The following ARHGEF6 variants were observed in gnomAD, a reference collection of about 807,000 sequenced individuals.
The protein encoded by ARHGEF6 is Rac/Cdc42 guanine nucleotide exchange factor 6.
A neutral mutation model predicts 70.3 loss-of-function variants in ARHGEF6; 9 were observed. That is an observed-to-expected ratio of 0.13 (90% CI 0.08 to 0.22). The LOEUF (loss-of-function observed/expected upper bound fraction) is 0.22, where lower values mean the gene tolerates loss of function less well. Among genes scored for constraint, ARHGEF6 ranks in the 10% least tolerant of loss-of-function variants. The pLI is 1.00. For synonymous variants in ARHGEF6, 201 were observed against 207.8 expected, an observed-to-expected ratio of 0.97 and a Z score of 0.28; for missense variants, 470 against 563.0, an observed-to-expected ratio of 0.83 and a Z score of 1.67.
At chrX:136,761,436 C>A (rs1208232891) in intron 2 of ARHGEF6, among the ~76,000 whole-genome samples, 3 of 112,303 alleles carry the variant, frequency 2.7e-5, no homozygotes, top group Admixed American at 9.4e-5. Flanking sequence ...ATATAAAAAA[C>A]CAATTAAATA....
At chrX:136,727,434 T>C (rs1348968860) in intron 6 of ARHGEF6, among the ~76,000 whole-genome samples, 45 of 95,500 alleles carry the variant, frequency 4.7e-4, no homozygotes, top group African/African-American at 6.5e-4. Context: ...TCTTTCCTTC[T>C]TTCTTTCTTT....
intron 9 of ARHGEF6, among the ~76,000 whole-genome samples, chrX:136,695,308 A>G (rs1162449862): frequency 8.9e-6 from 1 of 112,355 alleles, no homozygotes; most frequent in Non-Finnish European, 1.9e-5. Flanking sequence ...GACTCCAGTG[A>G]GTCTTCCATC....
At chrX:136,678,066 T>C in intron 16 of ARHGEF6, 110 bp from the exon 17 acceptor site, 3 of 701,812 alleles carry the variant, frequency 4.3e-6, no homozygotes, top group Non-Finnish European at 2.3e-6. Context: ...GTTAGTGTTA[T>C]CATAAATTAC....
chrX:136,708,906 CT>C, intron 7 of ARHGEF6, 136 bp from the exon 8 acceptor site: 1 of 406,162 alleles, frequency 2.5e-6, no homozygotes, highest in Non-Finnish European at 4.4e-6. Context: ...ACTCTATTGT[CT>C]TAGGCAGCTT....
rs756705199 is a variant in ARHGEF6, at chrX:136,690,621, G to T, written c.1174C>A (p.Arg392=). The part of the protein sequence containing the change: ...KYVTLLQELE[R]HMEDTHPDHQ... ...TCACCTTCCCTTACCTCCATATGCCGTTCTAACTCTTGCAAGAGAGTAACA... is the reference window on the plus strand; with the variant it reads ...TCACCTTCCCTTACCTCCATATGCCTTTCTAACTCTTGCAAGAGAGTAACA... Residue 392 remains arginine (R), a synonymous_variant, in exon 10 of 22, where the codon CGG becomes AGG. Transcript: ENST00000250617. 8.3e-7 allele frequency: 1 copy of T among 1,210,799 alleles called. No individual in the cohort carries two copies. Among genetic ancestry groups the T allele is most frequent in the East Asian group, 3.0e-5 (1 of 33,807 alleles).
intron 2 of ARHGEF6, among the ~76,000 whole-genome samples, chrX:136,768,125 T>C (rs780334411): frequency 3.1e-4 from 34 of 111,046 alleles, no homozygotes; most frequent in African/African-American, 8.5e-4. Flanking sequence ...CCGAGAAGCG[T>C]TGGCTCTCCA....
intron 2 of ARHGEF6, among the ~76,000 whole-genome samples, chrX:136,753,678 C>T (rs1440169603): frequency 8.9e-6 from 1 of 111,863 alleles, no homozygotes; most frequent in Non-Finnish European, 1.9e-5. Flanking sequence ...CTGGCCAGGG[C>T]ACTCTCTCCC....
intron 10 of ARHGEF6, among the ~76,000 whole-genome samples, chrX:136,690,150 G>T (rs1352824472): frequency 1.8e-5 from 2 of 111,900 alleles, no homozygotes; most frequent in African/African-American, 6.5e-5. Context: ...GAAGTTGAAT[G>T]ATGGCAGAAT....
At chrX:136,671,005 A>G (rs2076220298) in intron 20 of ARHGEF6, among the ~76,000 whole-genome samples, 1 of 111,907 alleles carries the variant, frequency 8.9e-6, no homozygotes, top group South Asian at 3.8e-4. Flanking sequence ...GTTTCTTTAC[A>G]TGTAAAATGG....
intron 2 of ARHGEF6, among the ~76,000 whole-genome samples, chrX:136,751,235 A>C (rs1199612944): frequency 3.6e-5 from 4 of 112,295 alleles, no homozygotes; most frequent in Non-Finnish European, 7.5e-5. Context: ...CCAGGTGTTA[A>C]TTGTGAATTA....
At chrX:136,717,653 G>A (rs1163590501) in intron 6 of ARHGEF6, among the ~76,000 whole-genome samples, 1 of 111,903 alleles carries the variant, frequency 8.9e-6, no homozygotes, top group Non-Finnish European at 1.9e-5. Context: ...TTATGTGTGT[G>A]TATATACTAA....
chrX:136,696,989 C>T (rs1048170330), intron 9 of ARHGEF6, among the ~76,000 whole-genome samples: 1 of 111,253 alleles, frequency 9.0e-6, no homozygotes, highest in Non-Finnish European at 1.9e-5. Context: ...GCTCACTTCA[C>T]GCAGCCCCGA....
intron 7 of ARHGEF6, 69 bp from the exon 8 acceptor site, chrX:136,708,839 G>A: frequency 1.2e-6 from 1 of 833,668 alleles, no homozygotes; most frequent in South Asian, 2.1e-5. Context: ...GCTAATATAT[G>A]GTAAATAAAA....
intron 2 of ARHGEF6, among the ~76,000 whole-genome samples, chrX:136,777,098 G>A (rs915715542): frequency 4.5e-5 from 5 of 110,365 alleles, no homozygotes; most frequent in Non-Finnish European, 7.6e-5. Context: ...GGTGGCGGGC[G>A]CCTGTATTCC....
chrX:136,732,036 G>T, intron 6 of ARHGEF6, 66 bp downstream of exon 6: 1 of 884,034 alleles, frequency 1.1e-6, no homozygotes, highest in Non-Finnish European at 1.6e-6. Flanking sequence ...ACACATCAAT[G>T]GTTTGACAAG....
chrX:136,774,014 G>A lies in ARHGEF6; in HGVS notation c.249+5400C>T, dbSNP rs767933070. On this transcript the variant is annotated intron_variant, in intron 2 of 21. Coordinates refer to ENST00000250617, the MANE Select transcript of ARHGEF6 (RefSeq NM_004840.3). ...TTTCTATCTTGTGCTCACTTCAGCA[G>A]CCCATATACTAAAATTGGAACGATA... 4 of 112,024 alleles carry A rather than the reference G, an allele frequency of 3.6e-5. No homozygotes were observed. The East Asian group carries it at 1.1e-3, about 31-fold the overall frequency. The allele number at this position is 112,024 out of a possible 1,213,427, so 9.2% of individuals were successfully genotyped here.
At chrX:136,718,530 A>T (rs769130137) in intron 6 of ARHGEF6, among the ~76,000 whole-genome samples, 1 of 112,053 alleles carries the variant, frequency 8.9e-6, no homozygotes, top group Non-Finnish European at 1.9e-5. Flanking sequence ...AGGTGAATAA[A>T]GTATATTGAT....
At chrX:136,754,104 C>T (rs765998895) in intron 2 of ARHGEF6, among the ~76,000 whole-genome samples, 15 of 111,872 alleles carry the variant, frequency 1.3e-4, no homozygotes, top group South Asian at 7.5e-4. Context: ...CATTCCCTGA[C>T]GGCTACCTCA....
intron 5 of ARHGEF6, among the ~76,000 whole-genome samples, chrX:136,736,344 G>A (rs1277333836): frequency 9.0e-6 from 1 of 111,709 alleles, no homozygotes; most frequent in African/African-American, 3.3e-5. Flanking sequence ...AAATACAAGA[G>A]CAAAGTCCCT....
Sources: gnomAD v4.1 joint callset for allele counts (sites outside exome capture counted in the v4.1 genomes callset) on GRCh38, gnomAD v4.1.1 for gene constraint, MANE v1.5 for transcripts, NCBI Gene and HGNC (gene_info 2026-07-23, HGNC 2026-07-21) for gene names.